GALNT14: variants seen among roughly 807,000 people sequenced by gnomAD.
GALNT14 encodes the protein UDP-GalNAc:polypeptide N-acetylgalactosaminyltransferase 14.
A neutral mutation model predicts 77.5 loss-of-function variants in GALNT14; 60 were observed. The ratio of observed to expected loss-of-function variants is 0.77; its 90% confidence interval spans 0.63 to 0.96. The LOEUF (loss-of-function observed/expected upper bound fraction) is 0.96. Among genes scored for constraint, GALNT14 ranks in the 40% least tolerant of loss-of-function variants. The pLI is 0.00. For missense variants in GALNT14, 710 were observed against 731.0 expected (o/e 0.97, Z 0.33); for synonymous variants, 280 against 281.7 (o/e 0.99, Z 0.06).
At chr2:30,902,088 A>G in the GALNT14 span, among the ~76,000 whole-genome samples, 1 of 152,316 alleles carries the variant, frequency 6.6e-6, no homozygotes. Context: ...CTACCAAAAC[A>G]TCAGACAGCC....
At chr2:31,070,162 C>T (rs1022123740) in intron 1 of GALNT14, among the ~76,000 whole-genome samples, 12 of 152,190 alleles carry the variant, frequency 7.9e-5, no homozygotes, top group African/African-American at 2.7e-4. Flanking sequence ...TGGGATCCCT[C>T]GACCAAGGAC....
intron 1 of GALNT14, among the ~76,000 whole-genome samples, chr2:31,032,350 A>T (rs1260713954): frequency 6.6e-6 from 1 of 152,190 alleles, no homozygotes; most frequent in Non-Finnish European, 1.5e-5. Context: ...GGGAATGAGA[A>T]AGATGGAAGA....
intron 1 of GALNT14, among the ~76,000 whole-genome samples, chr2:31,086,500 C>T (rs559650236): frequency 6.6e-6 from 1 of 151,784 alleles, no homozygotes; most frequent in East Asian, 1.9e-4. Context: ...TCTCGGTTTT[C>T]ACAAACATAA....
At chr2:30,995,569 T>C (rs1166417377) in intron 1 of GALNT14, among the ~76,000 whole-genome samples, 1 of 152,186 alleles carries the variant, frequency 6.6e-6, no homozygotes, top group African/African-American at 2.4e-5. Context: ...CCATAGCTTA[T>C]TGCAGCCTCA....
intron 1 of GALNT14, among the ~76,000 whole-genome samples, chr2:31,032,055 A>C (rs1672447579): frequency 6.6e-6 from 1 of 152,206 alleles, no homozygotes; most frequent in African/African-American, 2.4e-5. Flanking sequence ...GGCCATGATG[A>C]AACCATGGTG....
chr2:30,911,163 G>C, intron 14 of GALNT14, 104 bp from the exon 15 acceptor site: 1 of 1,007,434 alleles, frequency 9.9e-7, no homozygotes, highest in Non-Finnish European at 1.5e-6. Context: ...GTCACTGAGA[G>C]ACTTGATTTC....
intron 1 of GALNT14, among the ~76,000 whole-genome samples, chr2:31,130,808 G>A (rs1678959116): frequency 1.3e-5 from 2 of 151,738 alleles, no homozygotes; most frequent in Non-Finnish European, 2.9e-5. Context: ...GTGTGTGCCT[G>A]TGTGTGTATA....
intron 13 of GALNT14, among the ~76,000 whole-genome samples, chr2:30,914,891 G>C (rs1664584409): frequency 2.6e-5 from 4 of 152,164 alleles, no homozygotes; most frequent in Non-Finnish European, 5.9e-5. Context: ...TTGGCCTGTG[G>C]GGAGGAGAGA....
At chr2:31,081,798 T>C (rs1676170142) in intron 1 of GALNT14, among the ~76,000 whole-genome samples, 1 of 152,214 alleles carries the variant, frequency 6.6e-6, no homozygotes, top group African/African-American at 2.4e-5. Flanking sequence ...ATTAAAATTA[T>C]ATCAAAAATG....
At chr2:31,076,980 A>G (rs968706734) in intron 1 of GALNT14, among the ~76,000 whole-genome samples, 1 of 152,200 alleles carries the variant, frequency 6.6e-6, no homozygotes, top group Non-Finnish European at 1.5e-5. Context: ...TCATGACAAC[A>G]GCACTGATTG....
At chr2:31,128,967 GAA>G (rs531891870) in intron 1 of GALNT14, among the ~76,000 whole-genome samples, 1 of 105,428 alleles carries the variant, frequency 9.5e-6, no homozygotes, top group Admixed American at 8.6e-5. Flanking sequence ...AAATAAAATT[GAA>G]AAAAAAAAAA....
intron 8 of GALNT14, among the ~76,000 whole-genome samples, chr2:30,943,973 C>T (rs1573008022): frequency 6.6e-6 from 1 of 152,206 alleles, no homozygotes; most frequent in African/African-American, 2.4e-5. Flanking sequence ...TGATTAAATA[C>T]TTACTATGTG....
intron 1 of GALNT14, among the ~76,000 whole-genome samples, chr2:31,047,141 C>T (rs367563751): frequency 6.6e-6 from 1 of 152,118 alleles, no homozygotes; most frequent in African/African-American, 2.4e-5. Context: ...AGTGCATGCT[C>T]CTCTAGGAGA....
At chr2:31,099,772 A>G (rs538352214) in intron 1 of GALNT14, among the ~76,000 whole-genome samples, 11 of 152,004 alleles carry the variant, frequency 7.2e-5, no homozygotes, top group African/African-American at 1.9e-4. Flanking sequence ...TCTCTGTAGC[A>G]CACAGTTTCA....
chr2:30,922,357 C>A (rs1299631904), intron 13 of GALNT14, among the ~76,000 whole-genome samples: 1 of 152,244 alleles, frequency 6.6e-6, no homozygotes, highest in Non-Finnish European at 1.5e-5. Context: ...TCCCAACCCT[C>A]TCCTGAGATC....
chr2:30,933,141 T>C (rs1665840575), intron 9 of GALNT14, among the ~76,000 whole-genome samples: 1 of 150,920 alleles, frequency 6.6e-6, no homozygotes, highest in African/African-American at 2.4e-5. Context: ...AAATTGCCAG[T>C]GCATGGTGAC....
chr2:31,122,813 C>T (rs1558583284), intron 1 of GALNT14, among the ~76,000 whole-genome samples: 1 of 152,026 alleles, frequency 6.6e-6, no homozygotes, highest in African/African-American at 2.4e-5. Flanking sequence ...ACACAGTCTC[C>T]ATCACAACTA....
intron 9 of GALNT14, among the ~76,000 whole-genome samples, chr2:30,936,440 G>A (rs933288759): frequency 6.6e-6 from 1 of 152,186 alleles, no homozygotes; most frequent in African/African-American, 2.4e-5. Context: ...ATTATTACAC[G>A]TGGGTACTAC....
At chr2:31,025,146 T>C (rs1278651224) in intron 1 of GALNT14, among the ~76,000 whole-genome samples, 1 of 152,264 alleles carries the variant, frequency 6.6e-6, no homozygotes, top group Non-Finnish European at 1.5e-5. Flanking sequence ...GTGCTTCACA[T>C]GAATCATCTC....
Sources: gnomAD v4.1 joint callset for allele counts (sites outside exome capture counted in the v4.1 genomes callset) on GRCh38, gnomAD v4.1.1 for gene constraint, MANE v1.5 for transcripts, NCBI Gene and HGNC (gene_info 2026-07-23, HGNC 2026-07-21) for gene names.